DCHS1: variants seen among roughly 807,000 people sequenced by gnomAD.
The protein encoded by DCHS1 is dachsous cadherin-related 1, also known as protocadherin-16.
In DCHS1, 78 loss-of-function variants were observed where a neutral mutation model predicts 213.9. The observed-to-expected ratio is 0.36, with a 90% CI of 0.30 to 0.44. The LOEUF is 0.44. DCHS1 is among the 20% of genes least tolerant of loss of function. The pLI is 1.00. For synonymous variants in DCHS1, 1,828 were observed against 1,873.7 expected (o/e 0.98, Z 0.63); for missense variants, 3,946 against 4,395.9 (o/e 0.90, Z 2.89).
Position 6,629,467 on chromosome 11 carries a change from C to T in DCHS1, c.5146G>A (p.Glu1716Lys). ...LRALDREEQE[E>K]INLTVYAQDR... ...CAACATGTACCTGTCAGGTTGATCTCCTCCTGTTCCTCTCGATCCAGGGCC... is the reference window on the plus strand; with the variant it reads ...CAACATGTACCTGTCAGGTTGATCTTCTCCTGTTCCTCTCGATCCAGGGCC... The change falls in exon 12 of 21, where the codon GAG becomes AAG. Residue 1716 changes from glutamate to lysine, a missense_variant. Glu to Lys is a moderately conservative substitution (Grantham distance 56). Transcript: ENST00000299441. The T allele has an allele frequency of 1.2e-6, 2 of 1,612,930 alleles. No homozygotes were observed. The highest frequency in any genetic ancestry group is 2.2e-5 in the South Asian group (2 of 90,696).
At position 6,623,236 on chromosome 11, in the gene DCHS1, G is replaced by T; in HGVS notation, c.8440C>A (p.Leu2814Met). 6.3e-7 allele frequency: 1 copy of T among 1,593,394 alleles called. No individual in the cohort carries two copies. Among genetic ancestry groups the T allele is most frequent in the Admixed American group, 1.7e-5 (1 of 57,512 alleles). The stretch of plus-strand genomic sequence containing the variant: ...ACTTGGAAGTGGAAAGCTGGTGCCA[G>T]AAATACAGGGTCATACTCATCCTCT... ...TGEDEYDPVF[L>M]APAFHFQVPE... Residue 2814 changes from leucine to methionine, a missense_variant, in exon 21 of 21, where the codon CTG becomes ATG. Transcript: ENST00000299441.
At chr11:6,636,264 C>G (rs1855984911) in intron 2 of DCHS1, among the ~76,000 whole-genome samples, 1 of 152,090 alleles carries the variant, frequency 6.6e-6, no homozygotes, top group Non-Finnish European at 1.5e-5. Flanking sequence ...GTCTGGGGTG[C>G]AGTGGTGTGA....
intron 1 of DCHS1, 52 bp downstream of exon 1, chr11:6,655,511 C>A (rs1856302585): frequency 1.2e-5 from 12 of 969,374 alleles, no homozygotes; most frequent in Non-Finnish European, 1.5e-5. Context: ...CAGGGGAGGC[C>A]GGCGGGCAGG....
In DCHS1 at chr11:6,626,839, C is replaced by T. The variant is rs751656295; in HGVS notation, c.6200G>A (p.Arg2067His). ...AGCCTCACTGCTAGCCCGGGGAAAG[C>T]GGGGTCCACGCTCAGCTTCCCCCTG... ...GLQGEAERGP[R>H]FPRASSEATI... Residue 2067 changes from arginine (R) to histidine (H), a missense_variant, in exon 14 of 21, where the codon CGC becomes CAC. Arg to His is a conservative substitution (Grantham distance 29). Transcript: ENST00000299441. This position sits in a 1 kb window ranked among gnomAD's most constrained non-coding sequence, Gnocchi z 5.2. The T allele has an allele frequency of 2.2e-5, 36 of 1,613,094 alleles. No individual in the cohort carries two copies. The highest frequency in any genetic ancestry group is 1.2e-4 in the African/African-American group (9 of 74,906).
In DCHS1 at chr11:6,623,011, G is replaced by A. The variant is rs377005527; in HGVS notation, c.8665C>T (p.Arg2889Trp). 21 of 1,571,620 alleles carry A rather than the reference G, an allele frequency of 1.3e-5. No homozygotes were observed. Among genetic ancestry groups the A allele is most frequent in the African/African-American group, 4.1e-5 (3 of 73,784 alleles). Reference sequence around the variant, plus strand: ...TCCCGTGGTGCTTCCCGCCGGGTCCGGCCCCCACCCCCAGAGGTGGCTGTT... The same window carrying A: ...TCCCGTGGTGCTTCCCGCCGGGTCCAGCCCCCACCCCCAGAGGTGGCTGTT... Reference protein sequence around the residue: ...SGTATSGGGGRTRREAPRELR... With the variant: ...SGTATSGGGGWTRREAPRELR... Residue 2889 changes from arginine to tryptophan, a missense_variant, in exon 21 of 21, where the codon CGG becomes TGG. Arg to Trp is a moderately radical substitution (Grantham distance 101, BLOSUM62 -3). Around this residue, in one of 3 missense-constraint regions of DCHS1, gnomAD observed 554 missense variants for 590.2 expected, o/e 0.94. Coordinates refer to ENST00000299441, the MANE Select transcript of DCHS1 (RefSeq NM_003737.4).
In DCHS1 at chr11:6,641,671, GCTTGAC is replaced by G; in HGVS notation, c.-64_-59del. The G allele has an allele frequency of 6.7e-7, 1 of 1,482,048 alleles. No individual in the cohort carries two copies. Among genetic ancestry groups the G allele is most frequent in the Non-Finnish European group, 9.0e-7 (1 of 1,111,874 alleles). 91.8% of individuals were successfully genotyped at this position (1,482,048 alleles called of 1,614,324 possible). A position where few individuals can be genotyped will look rare whatever the true frequency, so the allele number is the denominator to read the frequency against. ...AGCTCCAGGCCAGGCTCTGGGCCCA[GCTTGAC>G]CTCAGACTTTGGGTCAGGTCCCACT... On this transcript the variant is annotated 5_prime_UTR_variant, in exon 2 of 21. Coordinates refer to ENST00000299441, the MANE Select transcript of DCHS1 (RefSeq NM_003737.4). This position sits in a 1 kb window ranked among gnomAD's most constrained non-coding sequence, Gnocchi z 7.1.
intron 1 of DCHS1, among the ~76,000 whole-genome samples, chr11:6,652,749 C>T (rs574700663): frequency 3.8e-4 from 58 of 152,298 alleles, no homozygotes; most frequent in Non-Finnish European, 6.8e-4. Flanking sequence ...GAATTCAAAA[C>T]AGATGGCCTC....
chr11:6,653,822 G>A (rs1026242755), intron 1 of DCHS1, among the ~76,000 whole-genome samples: 3 of 152,200 alleles, frequency 2.0e-5, no homozygotes, highest in Non-Finnish European at 4.4e-5. Context: ...AACAGAGTAG[G>A]AGAAAACAAA....
At chr11:6,651,851 T>C (rs1856246878) in intron 1 of DCHS1, among the ~76,000 whole-genome samples, 1 of 152,088 alleles carries the variant, frequency 6.6e-6, no homozygotes, top group Admixed American at 6.6e-5. Context: ...GAAGGAATGA[T>C]GAGATCAGGT....
Position 6,631,132 on chromosome 11 carries a change from C to T in DCHS1, c.3851G>A (p.Arg1284Gln). Reference protein sequence around the residue: ...LTAAPLIRAERPHYVLTLSAH... With the variant: ...LTAAPLIRAEQPHYVLTLSAH... Reference sequence around the variant, plus strand: ...ACTCAGTGTCAGCACATAGTGGGGCCGCTCTGCTCGGATCAGGGGAGCTGC... The same window carrying T: ...ACTCAGTGTCAGCACATAGTGGGGCTGCTCTGCTCGGATCAGGGGAGCTGC... The change falls in exon 9 of 21, where the codon CGG (arginine) becomes CAG (glutamine). Residue 1284 changes from arginine to glutamine, a missense_variant. By Grantham distance (43) the Arg-to-Gln change is conservative. Coordinates refer to ENST00000299441, the MANE Select transcript of DCHS1 (RefSeq NM_003737.4). 2 of 1,613,454 alleles carry T rather than the reference C, an allele frequency of 1.2e-6. No individual in the cohort carries two copies. The highest frequency in any genetic ancestry group is 1.1e-5 in the South Asian group (1 of 91,058).
rs1285749990 is a variant in DCHS1, at chr11:6,630,515, G to T, written c.4279C>A (p.Gln1427Lys). The T allele has an allele frequency of 1.3e-6, 2 of 1,539,372 alleles. No homozygotes were observed. The highest frequency in any genetic ancestry group is 1.7e-6 in the Non-Finnish European group (2 of 1,149,562). Reference protein sequence around the residue: ...ARLLRVQVQVQDENEHAPAFA... With the variant: ...ARLLRVQVQVKDENEHAPAFA... ...GCGGGCGCATGCTCATTCTCGTCCT[G>T]CACTTGCACCTGCACTCGCAGCAGC... The change falls in exon 10 of 21, where the codon CAG becomes AAG. Residue 1427 changes from glutamine (Q) to lysine (K), a missense_variant. Physicochemically the swap from Gln to Lys is moderately conservative, Grantham distance 53. This residue lies in a region of DCHS1 where 3,384 missense variants were observed against 3,780.1 expected (regional missense o/e 0.90). Transcript: ENST00000299441.
Position 6,621,456 on chromosome 11 carries a change from T to C in DCHS1, c.*323A>G. On this transcript the variant is annotated 3_prime_UTR_variant, in exon 21 of 21. Coordinates refer to ENST00000299441, the MANE Select transcript of DCHS1 (RefSeq NM_003737.4). ...AAACATGTTGGAGGGACCTCCTCCA[T>C]CCCCCTACCCCCAATAAATAAAGTC... is the stretch of plus-strand genomic sequence containing the variant. 4.5e-6 allele frequency: 2 copies of C among 440,928 alleles called. No homozygotes were observed. Among genetic ancestry groups the C allele is most frequent in the Non-Finnish European group, 8.6e-6 (2 of 232,798 alleles). 27.3% of individuals were successfully genotyped at this position (440,928 alleles called of 1,614,324 possible). A position where few individuals can be genotyped will look rare whatever the true frequency, so the allele number is the denominator to read the frequency against.
Position 6,624,190 on chromosome 11 carries a change from G to A in DCHS1, c.7486C>T (p.Pro2496Ser). 5.6e-6 allele frequency: 9 copies of A among 1,613,336 alleles called. No homozygotes were observed. Among genetic ancestry groups the A allele is most frequent in the Non-Finnish European group, 7.6e-6 (9 of 1,179,730 alleles). Residue 2496 changes from proline to serine, a missense_variant, in exon 21 of 21, where the codon CCC (proline) becomes TCC (serine). Transcript: ENST00000299441. Reference sequence around the variant, plus strand: ...AGGGTGAGCAGAGTGGAGCCAGGGGGCAGGTCTTCAGTCACAGCCACACGG... The same window carrying A: ...AGGGTGAGCAGAGTGGAGCCAGGGGACAGGTCTTCAGTCACAGCCACACGG... The part of the protein sequence containing the change: ...HYRVAVTEDL[P>S]PGSTLLTLEA...
At chr11:6,643,337 C>G (rs541839261) in intron 1 of DCHS1, among the ~76,000 whole-genome samples, 1 of 152,320 alleles carries the variant, frequency 6.6e-6, no homozygotes, top group South Asian at 2.1e-4. Context: ...ACTTCTCACA[C>G]TCTCCTCCCT....
In DCHS1 at chr11:6,633,539, C is replaced by T. The variant is rs760670607; in HGVS notation, c.2328G>A (p.Val776=). ...GGLQAEPSAR[V]DISIVPGTPT... ...GGGTTCCAGGCACAATGCTGATGTC[C>T]ACTCGGGCACTGGGTTCTGCCTGTA... The change falls in exon 5 of 21, where the codon GTG becomes GTA. Residue 776 remains valine, a synonymous_variant. Coordinates refer to ENST00000299441, the MANE Select transcript of DCHS1 (RefSeq NM_003737.4). 67 of 1,587,558 alleles carry T rather than the reference C, an allele frequency of 4.2e-5. No individual in the cohort carries two copies. In the East Asian group the frequency reaches 1.5e-3, roughly 35 times the overall value.
chr11:6,629,128 T>C (rs1011250234), intron 12 of DCHS1, among the ~76,000 whole-genome samples: 4 of 152,248 alleles, frequency 2.6e-5, no homozygotes, highest in Non-Finnish European at 5.9e-5. Flanking sequence ...CTGCATGAGC[T>C]TGAGCAAGTC....
At position 6,640,961 on chromosome 11, in the gene DCHS1, C is replaced by T. The variant is rs746360169; in HGVS notation, c.653G>A (p.Arg218His). 82 of 1,613,874 alleles carry T rather than the reference C, an allele frequency of 5.1e-5. No individual in the cohort carries two copies. Among genetic ancestry groups the T allele is most frequent in the Middle Eastern group, 4.9e-4 (3 of 6,084 alleles). Residue 218 changes from arginine (R) to histidine (H), a missense_variant, in exon 2 of 21, where the codon CGC (arginine) becomes CAC (histidine). Physicochemically the swap from Arg to His is conservative, Grantham distance 29 (BLOSUM62 0). Transcript: ENST00000299441. The surrounding 1 kb of genome is among the most constrained non-coding windows in gnomAD (Gnocchi z 6.5). ...VVTGELDREN[R>H]SHYMLQLEAY... ...CTCCAGCTGTAGCATATAGTGTGAG[C>T]GGTTCTCTCGGTCCAGTTCCCCAGT...
rs144463486 is a variant in DCHS1 at position 6,626,806 on chromosome 11, C to A, written c.6233G>T (p.Arg2078Leu). Residue 2078 changes from arginine (R) to leucine (L), a missense_variant, in exon 14 of 21, where the codon CGT (arginine) becomes CTT (leucine). Coordinates refer to ENST00000299441, the MANE Select transcript of DCHS1 (RefSeq NM_003737.4). This position sits in a 1 kb window ranked among gnomAD's most constrained non-coding sequence, Gnocchi z 5.2. ...FPRASSEATI[R>L]ENAPPGTPIV... Reference sequence around the variant, plus strand: ...GGACCCACCTGGGGGCGCATTCTCACGAATCGTAGCCTCACTGCTAGCCCG... The same window carrying A: ...GGACCCACCTGGGGGCGCATTCTCAAGAATCGTAGCCTCACTGCTAGCCCG... The A allele has an allele frequency of 6.8e-6, 11 of 1,612,220 alleles. No homozygotes were observed. The African/African-American group carries it at 8.0e-5, about 12-fold the overall frequency.
Position 6,630,390 on chromosome 11 carries a change from G to T in DCHS1, c.4404C>A (p.Pro1468=). Residue 1468 remains proline, a synonymous_variant, in exon 10 of 21, where the codon CCC becomes CCA. Transcript: ENST00000299441. ...FRASDADGPG[P]NSDVRYRLLR... ...GCAGGCGGTAGCGCACGTCGCTATT[G>T]GGGCCGGGGCCGTCGGCGTCCGACG... 7.2e-7 allele frequency: 1 copy of T among 1,398,536 alleles called. No homozygotes were observed. The highest frequency in any genetic ancestry group is 1.4e-5 in the South Asian group (1 of 70,748). The allele number at this position is 1,398,536 out of a possible 1,614,324, so 86.6% of individuals were successfully genotyped here. A position where few individuals can be genotyped will look rare whatever the true frequency, so the allele number is the denominator to read the frequency against.
Sources: allele counts gnomAD v4.1 joint callset (sites outside exome capture counted in the v4.1 genomes callset), GRCh38; gene constraint gnomAD v4.1.1; regional missense constraint gnomAD v4.1.1; non-coding constraint Gnocchi (gnomAD v3.1); transcripts MANE v1.5; gene names NCBI Gene and HGNC (gene_info 2026-07-23, HGNC 2026-07-21).